The following ALLC variants were observed in gnomAD, a reference collection of about 807,000 sequenced individuals.
ALLC encodes allantoicase, also known as probable inactive allantoicase.
ALLC carries 40 observed loss-of-function variants against 45.0 expected under a neutral mutation model. The observed-to-expected ratio is 0.89, with a 90% CI of 0.69 to 1.16. The LOEUF (loss-of-function observed/expected upper bound fraction) is 1.16, where lower values mean the gene tolerates loss of function less well. ALLC is among the 50% of genes most tolerant of loss of function. The pLI, the probability that ALLC is intolerant of heterozygous loss-of-function variation, is 0.00. For synonymous variants in ALLC, 176 were observed against 178.1 expected (o/e 0.99, Z 0.09); for missense variants, 488 against 493.1 (o/e 0.99, Z 0.10).
chr2:3,696,474 A>G (rs1170784351), intron 9 of ALLC, 126 bp downstream of exon 9: 3 of 694,654 alleles, frequency 4.3e-6, no homozygotes, highest in Non-Finnish European at 6.7e-6. Context: ...GCTAATTACT[A>G]TGATTTATAT....
upstream of ALLC, among the ~76,000 whole-genome samples, chr2:3,655,986 C>T (rs1044265356): frequency 8.5e-5 from 13 of 152,120 alleles, no homozygotes; most frequent in Non-Finnish European, 2.9e-5. Flanking sequence ...TCAGCAGAGC[C>T]AGCGAGCTCC....
intron 3 of ALLC, among the ~76,000 whole-genome samples, chr2:3,675,319 C>T (rs983355835): frequency 4.7e-5 from 7 of 149,196 alleles, no homozygotes; most frequent in South Asian, 4.2e-4. Context: ...GAGCCCAAGA[C>T]GTTGAGGTTG....
chr2:3,667,276 C>T (rs1666749049), intron 1 of ALLC, among the ~76,000 whole-genome samples: 1 of 152,238 alleles, frequency 6.6e-6, no homozygotes, highest in Non-Finnish European at 1.5e-5. Flanking sequence ...GGATGGTCAC[C>T]ACCTCGTCTG....
At chr2:3,678,296 G>A (rs963822207) in intron 3 of ALLC, among the ~76,000 whole-genome samples, 172 bp from the exon 4 acceptor site, 12 of 152,200 alleles carry the variant, frequency 7.9e-5, no homozygotes, top group African/African-American at 2.2e-4. Flanking sequence ...TGATAAAAGC[G>A]GAGGCATCTC....
intron 2 of ALLC, among the ~76,000 whole-genome samples, chr2:3,672,695 C>T (rs1001210416): frequency 5.4e-5 from 7 of 130,528 alleles, no homozygotes; most frequent in African/African-American, 1.5e-4. Flanking sequence ...CTGGTTAGAT[C>T]GGAAGTCCTC....
chr2:3,680,069 A>G lies in ALLC; in HGVS notation c.298+75A>G, dbSNP rs978010149. On this transcript the variant is annotated intron_variant, in intron 5 of 11. Transcript: ENST00000252505. The surrounding 1 kb of genome is among the most constrained non-coding windows in gnomAD (Gnocchi z 4.0). ...TCCTCTGGCCAGCCACAGCCCCACA[A>G]CTGCTCACTTTCCCTACCACCCAGA... 1 of 1,590,830 alleles carries G rather than the reference A, an allele frequency of 6.3e-7. No individual in the cohort carries two copies. Among genetic ancestry groups the G allele is most frequent in the Middle Eastern group, 1.7e-4 (1 of 5,786 alleles).
At position 3,681,694 on chromosome 2, in the gene ALLC, A is replaced by C. The variant is rs1572519563; in HGVS notation, c.359A>C (p.Glu120Ala). ...ACAGGAGCTGCAGCCACTCCTGAGG[A>C]GTTTGAAGCCATTGCTGAGGTACAT... ...TRTGAAATPE[E>A]FEAIAELKSD... The change falls in exon 6 of 12, where the codon GAG (glutamate) becomes GCG (alanine). Residue 120 changes from glutamate to alanine, a missense_variant. Physicochemically the swap from Glu to Ala is moderately radical, Grantham distance 107. Coordinates refer to ENST00000252505, the MANE Select transcript of ALLC (RefSeq NM_018436.4). 1 of 1,610,282 alleles carries C rather than the reference A, an allele frequency of 6.2e-7. No homozygotes were observed. The highest frequency in any genetic ancestry group is 2.2e-5 in the East Asian group (1 of 44,806).
chr2:3,670,332 T>C (rs1452976757), intron 1 of ALLC, among the ~76,000 whole-genome samples: 1 of 152,256 alleles, frequency 6.6e-6, no homozygotes, highest in Non-Finnish European at 1.5e-5. Context: ...GTGTAGTTTT[T>C]CTCTTTCACC....
At chr2:3,657,537 C>G (rs1022238812), upstream of ALLC, among the ~76,000 whole-genome samples, 1 of 152,196 alleles carries the variant, frequency 6.6e-6, no homozygotes, top group African/African-American at 2.4e-5. Context: ...GCTGATTCAT[C>G]TGCAGAGTGG....
intron 1 of ALLC, among the ~76,000 whole-genome samples, chr2:3,658,891 A>C (rs1201220227): frequency 1.3e-5 from 2 of 151,816 alleles, no homozygotes; most frequent in Non-Finnish European, 2.9e-5. Context: ...AAAAAAAAAA[A>C]AAAACCTAAA....
intron 3 of ALLC, among the ~76,000 whole-genome samples, chr2:3,675,479 C>T (rs981751427): frequency 6.6e-6 from 1 of 151,408 alleles, no homozygotes; most frequent in South Asian, 2.1e-4. Flanking sequence ...TTTGAAGGCG[C>T]ACACATCAAA....
At chr2:3,650,116 A>G in the ALLC span, among the ~76,000 whole-genome samples, 2 of 152,210 alleles carry the variant, frequency 1.3e-5, no homozygotes, top group African/African-American at 4.8e-5. Context: ...GCAGAAAACA[A>G]GAGCCGTTCG....
upstream of ALLC, among the ~76,000 whole-genome samples, chr2:3,654,916 G>A (rs541563319): frequency 2.0e-5 from 3 of 152,350 alleles, no homozygotes; most frequent in South Asian, 6.2e-4. Flanking sequence ...GTGTAATGCG[G>A]CACAGCAAGT....
rs111880728 is a variant in ALLC at position 3,680,995 on chromosome 2, T to A, written c.299-639T>A. 3.5e-3 allele frequency among the ~76,000 whole-genome samples: 528 copies of A among 152,264 alleles called. 1 individual carries two copies. Among genetic ancestry groups the A allele is most frequent in the African/African-American group, 0.012 (491 of 41,536 alleles). ...TGACTTTAGCATTAATTAAAAAAAA[T>A]ATACAATTATGTGTGTGTTTATACA... On this transcript the variant is annotated intron_variant, in intron 5 of 11. Coordinates refer to ENST00000252505, the MANE Select transcript of ALLC (RefSeq NM_018436.4). The surrounding 1 kb of genome is among the most constrained non-coding windows in gnomAD (Gnocchi z 4.0).
At chr2:3,669,640 T>G (rs1342622183) in intron 1 of ALLC, among the ~76,000 whole-genome samples, 1 of 152,138 alleles carries the variant, frequency 6.6e-6, no homozygotes, top group Non-Finnish European at 1.5e-5. Flanking sequence ...AGAGGGAGAC[T>G]CCATCTCAAA....
chr2:3,671,846 T>C (rs1374093389), intron 2 of ALLC, among the ~76,000 whole-genome samples: 1 of 113,364 alleles, frequency 8.8e-6, no homozygotes. Context: ...TTGGAGGTCC[T>C]CTGGCTCTGG....
chr2:3,678,005 T>G (rs1667070634), intron 3 of ALLC, among the ~76,000 whole-genome samples: 1 of 152,180 alleles, frequency 6.6e-6, no homozygotes, highest in Non-Finnish European at 1.5e-5. Flanking sequence ...GACCATGCAT[T>G]TCCTCAGGGG....
chr2:3,672,159 C>A (rs1666895413), intron 2 of ALLC, among the ~76,000 whole-genome samples: 1 of 119,502 alleles, frequency 8.4e-6, no homozygotes. Flanking sequence ...GGGAGGTCCT[C>A]TGGGTCTGGT....
At chr2:3,696,732 T>C (rs1667682949) in intron 9 of ALLC, among the ~76,000 whole-genome samples, 1 of 152,236 alleles carries the variant, frequency 6.6e-6, no homozygotes, top group Non-Finnish European at 1.5e-5. Context: ...TTATGTGAAC[T>C]TGTGATGGAC....
Sources: allele counts gnomAD v4.1 joint callset (sites outside exome capture counted in the v4.1 genomes callset), GRCh38; gene constraint gnomAD v4.1.1; non-coding constraint Gnocchi (gnomAD v3.1); transcripts MANE v1.5; gene names NCBI Gene and HGNC (gene_info 2026-07-23, HGNC 2026-07-21).